Variants in CCDC93 observed in about 807,000 individuals in gnomAD.
The protein encoded by CCDC93 is coiled-coil domain-containing protein 93.
Under a neutral mutation model 108.2 loss-of-function variants are expected in CCDC93, and 61 were observed. The ratio of observed to expected loss-of-function variants is 0.56; its 90% CI spans 0.46 to 0.70. The LOEUF (loss-of-function observed/expected upper bound fraction) is 0.70, where lower values mean the gene tolerates loss of function less well. CCDC93 is among the 30% of genes least tolerant of loss of function. The probability of loss-of-function intolerance (pLI) is 0.00; values close to 1 mark genes in which losing one functional copy is unlikely to be tolerated. For missense variants in CCDC93, 685 were observed against 764.2 expected (o/e 0.90, Z 1.22); for synonymous variants, 276 against 260.4 (o/e 1.06, Z -0.58).
intron 6 of CCDC93, among the ~76,000 whole-genome samples, chr2:117,994,692 C>T (rs147508244): frequency 2.6e-5 from 4 of 152,328 alleles, no homozygotes; most frequent in Non-Finnish European, 5.9e-5. Flanking sequence ...AGAAGTACAT[C>T]TGATATTTCA....
chr2:117,941,381 C>T, intron 18 of CCDC93, 84 bp from the exon 19 acceptor site: 2 of 1,068,622 alleles, frequency 1.9e-6, no homozygotes, highest in Admixed American at 3.6e-5. Flanking sequence ...TTGCCTGCAC[C>T]CCGACCTGAG....
At chr2:117,974,812 C>G (rs1679877580) in intron 10 of CCDC93, 38 bp downstream of exon 10, 1 of 1,515,014 alleles carries the variant, frequency 6.6e-7, no homozygotes, top group African/African-American at 1.4e-5. Flanking sequence ...AGGGTGGTGC[C>G]AAGTCCCCAT....
At chr2:117,945,361 T>G (rs1362569676) in intron 17 of CCDC93, among the ~76,000 whole-genome samples, 168 bp downstream of exon 17, 1 of 152,144 alleles carries the variant, frequency 6.6e-6, no homozygotes, top group African/African-American at 2.4e-5. Flanking sequence ...AGACCCTGCC[T>G]CCATCTGAGG....
intron 4 of CCDC93, chr2:118,000,015 G>T (rs1262123618): frequency 1.3e-5 from 2 of 152,096 alleles, no homozygotes; most frequent in Non-Finnish European, 2.9e-5. Flanking sequence ...AACAGCTGGA[G>T]GCAAAGAGAA....
At chr2:117,975,991 T>A (rs1402371470) in intron 8 of CCDC93, among the ~76,000 whole-genome samples, 1 of 152,154 alleles carries the variant, frequency 6.6e-6, no homozygotes, top group Non-Finnish European at 1.5e-5. Context: ...TTTAATTCTA[T>A]CCCTGCCATC....
chr2:117,961,688 T>A (rs982710003), intron 11 of CCDC93, among the ~76,000 whole-genome samples: 2 of 152,172 alleles, frequency 1.3e-5, no homozygotes, highest in African/African-American at 4.8e-5. Context: ...GTTCATTCAC[T>A]GAGAGATACG....
chr2:117,998,598 C>G (rs1680740697), intron 4 of CCDC93: 1 of 152,210 alleles, frequency 6.6e-6, no homozygotes, highest in Non-Finnish European at 1.5e-5. Context: ...TGGGCCCTCC[C>G]ATCCAGACAG....
At position 118,008,566 on chromosome 2, in the gene CCDC93, T is replaced by G; in HGVS notation, c.135A>C (p.Lys45Asn). 6.2e-7 allele frequency: 1 copy of G among 1,608,608 alleles called. No individual in the cohort carries two copies. The highest frequency in any genetic ancestry group is 8.5e-7 in the Non-Finnish European group (1 of 1,175,096). ...TTACCTTGTCAAAGGGTGATAAGCC[T>G]TTAATTCTTGCCCTGAAATACCCAG... ...VAAGYFRARI[K>N]GLSPFDKVVG... is the part of the protein sequence containing the mutation. Residue 45 changes from lysine (K) to asparagine (N), a missense_variant, in exon 2 of 24, where the codon AAA (lysine) becomes AAC (asparagine). Lys to Asn is a moderately conservative substitution (Grantham distance 94). Transcript: ENST00000376300.
At chr2:117,925,341 G>A (rs1032247659) in intron 23 of CCDC93, among the ~76,000 whole-genome samples, 6 of 152,160 alleles carry the variant, frequency 3.9e-5, no homozygotes, top group African/African-American at 1.4e-4. Flanking sequence ...TGGATAAAGA[G>A]TCAAGACCCA....
In CCDC93 at chr2:118,008,650, T is replaced by A; in HGVS notation, c.51A>T (p.Thr17=). The A allele has an allele frequency of 2.5e-6, 4 of 1,606,466 alleles. No individual in the cohort carries two copies. The highest frequency in any genetic ancestry group is 3.4e-6 in the Non-Finnish European group (4 of 1,173,732). The change falls in exon 2 of 24, where the codon ACA becomes ACT. Residue 17 remains threonine (T), a synonymous_variant. Coordinates refer to ENST00000376300, the MANE Select transcript of CCDC93 (RefSeq NM_019044.5). ...TGACATTTTGTTCTTCATCTTCTCT[T>A]GTTTCCACCTAAAATAAAAGGTAAA... ...PEGQGLPEVE[T]REDEEQNVKL...
At chr2:117,951,577 C>T (rs1035652621) in intron 13 of CCDC93, 70 of 999,952 alleles carry the variant, frequency 7.0e-5, no homozygotes, top group Non-Finnish European at 8.3e-5. Context: ...AAGATCCTAG[C>T]TTCCAAATCG....
intron 14 of CCDC93, among the ~76,000 whole-genome samples, chr2:117,949,066 A>G (rs189806078): frequency 4.8e-4 from 73 of 152,330 alleles, no homozygotes; most frequent in African/African-American, 1.4e-3. Context: ...ATTTTGAAAA[A>G]TAGAAAAACA....
At chr2:117,973,406 T>C (rs1573502386) in intron 11 of CCDC93, among the ~76,000 whole-genome samples, 1 of 98,734 alleles carries the variant, frequency 1.0e-5, no homozygotes, top group South Asian at 5.1e-4. Flanking sequence ...CTGCCTTTTC[T>C]TAGGATGGAA....
In CCDC93 at chr2:117,973,926, C is replaced by T. The variant is rs186307194; in HGVS notation, c.870G>A (p.Val290=). Residue 290 remains valine (V), a synonymous_variant, in exon 11 of 24, where the codon GTG becomes GTA. Transcript: ENST00000376300. ...GLCSAEIKQI[V]SEYAEKQSEL... Reference sequence around the variant, plus strand: ...CACCTACCTTCTCTGCATACTCGGACACAATCTGCTTGATCTCAGCAGAGC... The same window carrying T: ...CACCTACCTTCTCTGCATACTCGGATACAATCTGCTTGATCTCAGCAGAGC... The T allele has an allele frequency of 8.1e-6, 13 of 1,612,040 alleles. No individual in the cohort carries two copies. In the Admixed American group the frequency reaches 2.2e-4, roughly 27 times the overall value.
At chr2:117,939,735 T>A (rs1213824653) in intron 19 of CCDC93, among the ~76,000 whole-genome samples, 4 of 152,130 alleles carry the variant, frequency 2.6e-5, no homozygotes, top group Non-Finnish European at 5.9e-5. Context: ...GGAAGTGTGA[T>A]CTGATCTCCT....
chr2:117,985,993 T>C lies in CCDC93; in HGVS notation c.596A>G (p.His199Arg). The C allele has an allele frequency of 6.2e-7, 1 of 1,612,906 alleles. No homozygotes were observed. The highest frequency in any genetic ancestry group is 1.1e-5 in the South Asian group (1 of 91,028). The change falls in exon 7 of 24, where the codon CAT becomes CGT. Residue 199 changes from histidine to arginine, a missense_variant. Transcript: ENST00000376300. ...EELLDEESRI[H>R]ATLLEYGRRY... ...CCTGCCATATTCCAAAAGTGTAGCA[T>C]GGATTCGAGATTCTTCATCAAGTAG...
In CCDC93 at chr2:117,917,925, C is replaced by A. The variant is rs924890065; in HGVS notation, c.*2418G>T. On this transcript the variant is annotated 3_prime_UTR_variant, in exon 24 of 24. Transcript: ENST00000376300. ...CTGATTGAGCAGGGAGCCTCTCTCT[C>A]CTGGGGAAACCTGGTTCCTCCTGAA... 1.2e-4 allele frequency: 19 copies of A among 152,236 alleles called. No individual in the cohort carries two copies. Among genetic ancestry groups the A allele is most frequent in the Non-Finnish European group, 1.5e-5 (1 of 68,054 alleles). The allele number at this position is 152,236 out of a possible 1,614,324, so 9.4% of individuals were successfully genotyped here.
chr2:117,923,040 T>C (rs1227074078), intron 23 of CCDC93, among the ~76,000 whole-genome samples: 1 of 151,892 alleles, frequency 6.6e-6, no homozygotes, highest in African/African-American at 2.4e-5. Flanking sequence ...CCATCACAAT[T>C]ATTTTCTAAG....
At position 118,008,622 on chromosome 2, in the gene CCDC93, A is replaced by T; in HGVS notation, c.79T>A (p.Leu27Met). The change falls in exon 2 of 24, where the codon TTG (leucine) becomes ATG (methionine). Residue 27 changes from leucine to methionine, a missense_variant. Transcript: ENST00000376300. ...ACCAAGAGCTCCAGAATTTCAGTCA[A>T]CTTGACATTTTGTTCTTCATCTTCT... ...TREDEEQNVK[L>M]TEILELLVAA... The T allele has an allele frequency of 6.2e-7, 1 of 1,613,592 alleles. No individual in the cohort carries two copies. Among genetic ancestry groups the T allele is most frequent in the Non-Finnish European group, 8.5e-7 (1 of 1,179,622 alleles).
Sources: gnomAD v4.1 joint callset for allele counts (sites outside exome capture counted in the v4.1 genomes callset) on GRCh38, gnomAD v4.1.1 for gene constraint, MANE v1.5 for transcripts, NCBI Gene and HGNC (gene_info 2026-07-23, HGNC 2026-07-21) for gene names.